DLC1: variants seen among roughly 807,000 people sequenced by gnomAD.
DLC1 encodes DLC1 Rho GTPase activating protein, also known as rho GTPase-activating protein 7.
Under a neutral mutation model 140.3 loss-of-function variants are expected in DLC1, and 54 were observed. The ratio of observed to expected loss-of-function variants is 0.38; its 90% confidence interval spans 0.31 to 0.48. DLC1 has a LOEUF of 0.48. Among genes scored for constraint, DLC1 ranks in the 20% least tolerant of loss-of-function variants. The pLI, the probability that DLC1 is intolerant of heterozygous loss-of-function variation, is 0.96. For missense variants in DLC1, 2,536 were observed against 1,907.0 expected (o/e 1.33, Z -6.14); for synonymous variants, 986 against 728.1 (o/e 1.35, Z -5.70).
At chr8:13,286,455 A>G (rs575184334) in intron 5 of DLC1, among the ~76,000 whole-genome samples, 3 of 152,308 alleles carry the variant, frequency 2.0e-5, no homozygotes, top group East Asian at 3.9e-4. Flanking sequence ...GTCACTTTAT[A>G]TGGAATCATT....
chr8:13,554,314 C>T (rs1475328591), intron 1 of DLC1, among the ~76,000 whole-genome samples: 3 of 152,156 alleles, frequency 2.0e-5, no homozygotes, highest in African/African-American at 4.8e-5. Context: ...GATCTGGCTG[C>T]CTCAGCCTCC....
At chr8:13,452,193 A>T (rs1054804174) in intron 2 of DLC1, among the ~76,000 whole-genome samples, 3 of 150,574 alleles carry the variant, frequency 2.0e-5, no homozygotes, top group Admixed American at 6.6e-5. Flanking sequence ...ATAAATAAAA[A>T]TTATTTTATA....
At chr8:13,366,993 C>G (rs1048234548) in intron 4 of DLC1, among the ~76,000 whole-genome samples, 28 of 152,288 alleles carry the variant, frequency 1.8e-4, no homozygotes, top group Admixed American at 1.8e-3. Flanking sequence ...CCTGTCTACT[C>G]ACTCTCCCAA....
At chr8:13,268,883 T>G (rs951975052) in intron 5 of DLC1, among the ~76,000 whole-genome samples, 2 of 147,880 alleles carry the variant, frequency 1.4e-5, no homozygotes, top group African/African-American at 2.5e-5. Context: ...TTTTTTTTTT[T>G]TTTTTTTTTG....
chr8:13,567,338 A>C (rs916402149), intron 1 of DLC1: 287 of 1,551,632 alleles, frequency 1.8e-4, no homozygotes, highest in Non-Finnish European at 2.4e-4. Flanking sequence ...CGGGTATCAG[A>C]TGAAGAATTG....
At chr8:13,296,185 G>A (rs1157509328) in intron 5 of DLC1, among the ~76,000 whole-genome samples, 2 of 151,720 alleles carry the variant, frequency 1.3e-5, no homozygotes, top group East Asian at 3.9e-4. Flanking sequence ...CGAGCTCTTG[G>A]CCTCAAGTGA....
chr8:13,211,950 T>C (rs942114050), intron 5 of DLC1, among the ~76,000 whole-genome samples: 2 of 152,126 alleles, frequency 1.3e-5, no homozygotes, highest in Admixed American at 6.6e-5. Flanking sequence ...ATGTCAAATG[T>C]TGACAAACTA....
intron 5 of DLC1, among the ~76,000 whole-genome samples, chr8:13,152,082 T>C (rs1823862625): frequency 6.6e-6 from 1 of 152,230 alleles, no homozygotes; most frequent in African/African-American, 2.4e-5. Context: ...CCTCCATGTT[T>C]ACTAAATACA....
At chr8:13,558,211 C>G (rs1469129871) in intron 1 of DLC1, 1 of 152,160 alleles carries the variant, frequency 6.6e-6, no homozygotes, top group Non-Finnish European at 1.5e-5. Flanking sequence ...CTCCCTGGTT[C>G]TTCTATTCTG....
intron 5 of DLC1, among the ~76,000 whole-genome samples, chr8:13,287,064 A>T (rs1445260257): frequency 6.6e-6 from 1 of 151,958 alleles, no homozygotes; most frequent in Non-Finnish European, 1.5e-5. Flanking sequence ...GTGTTGGGAG[A>T]CTCTCGTTAA....
rs144226069 is a variant in DLC1, at chr8:13,111,969, G to T, written c.1421-1146C>A. On this transcript the variant is annotated intron_variant, in intron 6 of 17. Transcript: ENST00000276297. ...GAGACCAGCCTGAGCAGCATGGCGAGACCTTGTCTCTACAAAAAAAATCTA... is the reference window on the plus strand; with the variant it reads ...GAGACCAGCCTGAGCAGCATGGCGATACCTTGTCTCTACAAAAAAAATCTA... Among the ~76,000 whole-genome samples the T allele has an allele frequency of 7.4e-3, 1,129 of 152,118 alleles. 20 individuals carry two copies. The highest frequency in any genetic ancestry group is 0.026 in the African/African-American group (1,061 of 41,474).
At chr8:13,255,806 C>T (rs143881736) in intron 5 of DLC1, among the ~76,000 whole-genome samples, 277 of 152,318 alleles carry the variant, frequency 1.8e-3, no homozygotes, top group African/African-American at 6.5e-3. Flanking sequence ...CTCGTCTTTG[C>T]AGCAATTGGC....
At chr8:13,200,103 C>T (rs1000076535) in intron 5 of DLC1, among the ~76,000 whole-genome samples, 71 of 152,190 alleles carry the variant, frequency 4.7e-4, no homozygotes, top group Admixed American at 4.1e-3. Context: ...AGTGCAATGG[C>T]GTGATCTCTG....
chr8:13,350,992 C>T (rs1316166728), intron 4 of DLC1, among the ~76,000 whole-genome samples: 1 of 152,170 alleles, frequency 6.6e-6, no homozygotes, highest in Non-Finnish European at 1.5e-5. Context: ...CTGAAGTAGA[C>T]TTTTGATACA....
chr8:13,099,158 G>A (rs1038313563), intron 9 of DLC1, among the ~76,000 whole-genome samples, 189 bp downstream of exon 9: 7 of 151,908 alleles, frequency 4.6e-5, no homozygotes, highest in Non-Finnish European at 8.8e-5. Flanking sequence ...TTCCCCAACC[G>A]GAACTCTATA....
intron 5 of DLC1, among the ~76,000 whole-genome samples, chr8:13,231,919 G>T (rs1484425085): frequency 6.6e-6 from 1 of 152,136 alleles, no homozygotes; most frequent in Non-Finnish European, 1.5e-5. Context: ...GTGTCCAGCT[G>T]TTGGGGTCGC....
chr8:13,579,361 A>ATATATATTTT (rs1236395843), intron 1 of DLC1, among the ~76,000 whole-genome samples: 2 of 25,490 alleles, frequency 7.8e-5, no homozygotes, highest in African/African-American at 2.2e-4. Flanking sequence ...ATATATATAT[A>ATATATATTTT]TTTTTATATA....
chr8:13,316,677 A>G (rs893075977), intron 4 of DLC1, among the ~76,000 whole-genome samples: 2 of 151,918 alleles, frequency 1.3e-5, no homozygotes, highest in African/African-American at 2.4e-5. Flanking sequence ...TGACTTTTGC[A>G]CCTAAGGTCA....
chr8:13,603,514 C>T (rs1020336177), intron 1 of DLC1, among the ~76,000 whole-genome samples: 1 of 151,744 alleles, frequency 6.6e-6, no homozygotes, highest in African/African-American at 2.4e-5. Context: ...ATATTACCTT[C>T]CTTGCAAACT....
Sources: allele counts gnomAD v4.1 joint callset (sites outside exome capture counted in the v4.1 genomes callset), GRCh38; gene constraint gnomAD v4.1.1; transcripts MANE v1.5; gene names NCBI Gene and HGNC (gene_info 2026-07-23, HGNC 2026-07-21).